Variants in AFG3L2 observed in about 807,000 individuals in gnomAD.
The protein encoded by AFG3L2 is AFG3 like matrix AAA peptidase subunit 2.
In AFG3L2, 54 loss-of-function variants were observed where a neutral mutation model predicts 94.5. The observed-to-expected ratio is 0.57, with a 90% CI of 0.46 to 0.72. The LOEUF is 0.72. AFG3L2 is among the 30% of genes least tolerant of loss of function. AFG3L2 has a pLI of 0.00. For missense variants in AFG3L2, 754 were observed against 994.9 expected (o/e 0.76, Z 3.26); for synonymous variants, 377 against 365.5 (o/e 1.03, Z -0.36).
intron 16 of AFG3L2, among the ~76,000 whole-genome samples, chr18:12,330,307 C>CA (rs1320213942): frequency 6.9e-6 from 1 of 145,134 alleles, no homozygotes; most frequent in Admixed American, 7.0e-5. Context: ...GCCTGGGCGA[C>CA]AGAGCGAGAC....
At chr18:12,357,957 A>T (rs983357192) in intron 8 of AFG3L2, among the ~76,000 whole-genome samples, 1 of 152,324 alleles carries the variant, frequency 6.6e-6, no homozygotes, top group Admixed American at 6.5e-5. Flanking sequence ...ACGGGTACTA[A>T]GTAAGTTATA....
chr18:12,346,828 C>T (rs760437779), intron 13 of AFG3L2, among the ~76,000 whole-genome samples: 1 of 145,066 alleles, frequency 6.9e-6, no homozygotes, highest in Non-Finnish European at 1.5e-5. Flanking sequence ...TGCTTGAACT[C>T]GGAAGGTGGA....
At chr18:12,366,875 A>G in intron 5 of AFG3L2, 90 bp downstream of exon 5, 3 of 1,485,788 alleles carry the variant, frequency 2.0e-6, no homozygotes, top group Non-Finnish European at 2.8e-6. Context: ...TGGACGAGCC[A>G]GGTTAACCTG....
chr18:12,344,197 C>A lies in AFG3L2; in HGVS notation c.1714G>T (p.Ala572Ser), dbSNP rs562861748. 6.2e-7 allele frequency: 1 copy of A among 1,614,176 alleles called. No individual in the cohort carries two copies. Among genetic ancestry groups the A allele is most frequent in the East Asian group, 2.2e-5 (1 of 44,880 alleles). ...ACCGCATGGCCTGCTTCGTGGTATG[C>A]CACAGTCTTCTTCTCCTCAGGCTGC... Reference protein sequence around the residue: ...VLQPEEKKTVAYHEAGHAVAG... With the variant: ...VLQPEEKKTVSYHEAGHAVAG... The change falls in exon 14 of 17, where the codon GCA becomes TCA. Residue 572 changes from alanine (A) to serine (S), a missense_variant. Physicochemically the swap from Ala to Ser is moderately conservative, Grantham distance 99. This residue lies in a region of AFG3L2 where 279 missense variants were observed against 378.6 expected (regional missense o/e 0.74). Transcript: ENST00000269143.
chr18:12,371,795 C>G lies in AFG3L2; in HGVS notation c.115-104G>C, dbSNP rs1373711837. ...GTAGATGAAAGGTCTCTCTCTTCCA[C>G]AGGTGGTTATGAAGTAACACAGAAT... On this transcript the variant is annotated intron_variant, in intron 1 of 16. Transcript: ENST00000269143. The G allele has an allele frequency of 3.2e-6, 3 of 934,868 alleles. No individual in the cohort carries two copies. The Admixed American group carries it at 6.1e-5, about 19-fold the overall frequency. 57.9% of individuals were successfully genotyped at this position (934,868 alleles called of 1,614,324 possible).
chr18:12,355,000 C>T (rs1477511579), intron 9 of AFG3L2, among the ~76,000 whole-genome samples: 1 of 152,034 alleles, frequency 6.6e-6, no homozygotes, highest in Admixed American at 6.6e-5. Context: ...GGTGCATCAC[C>T]TGAAGTGAGG....
intron 3 of AFG3L2, among the ~76,000 whole-genome samples, chr18:12,369,447 C>T (rs1908908809): frequency 2.0e-5 from 3 of 152,110 alleles, no homozygotes; most frequent in Admixed American, 1.3e-4. Flanking sequence ...GTGGACTCCT[C>T]GAGGCCAGGT....
At chr18:12,332,982 A>AATT (rs1907600152) in intron 16 of AFG3L2, among the ~76,000 whole-genome samples, 1 of 100,886 alleles carries the variant, frequency 9.9e-6, no homozygotes, top group Non-Finnish European at 2.0e-5. Flanking sequence ...ATATTATATA[A>AATT]ATATATTATA....
intron 9 of AFG3L2, among the ~76,000 whole-genome samples, chr18:12,355,825 C>T (rs906125826): frequency 3.9e-5 from 6 of 152,030 alleles, no homozygotes; most frequent in African/African-American, 1.2e-4. Flanking sequence ...CCCGCCACCA[C>T]GCATGGCTAA....
intron 6 of AFG3L2, among the ~76,000 whole-genome samples, chr18:12,360,736 G>A (rs764205353): frequency 3.3e-5 from 5 of 152,156 alleles, no homozygotes; most frequent in South Asian, 2.1e-4. Context: ...TATTGTACTC[G>A]TGTCTACTGA....
chr18:12,348,298 T>C lies in AFG3L2; in HGVS notation c.1638A>G (p.Glu546=). The change falls in exon 13 of 17, where the codon GAA becomes GAG. Residue 546 remains glutamate, a synonymous_variant. Coordinates refer to ENST00000269143, the MANE Select transcript of AFG3L2 (RefSeq NM_006796.3). ...CACCAATCACTCGTTCAATTGCCTG[T>C]TCAAAGTGTTTCTGATTTATGGAAT... The part of the protein sequence containing the change: ...LSDSINQKHF[E]QAIERVIGGL... 1.2e-6 allele frequency: 2 copies of C among 1,614,160 alleles called. No individual in the cohort carries two copies. The highest frequency in any genetic ancestry group is 1.7e-6 in the Non-Finnish European group (2 of 1,179,986).
intron 7 of AFG3L2, 148 bp downstream of exon 7, chr18:12,359,779 G>C: frequency 1.0e-6 from 1 of 1,004,720 alleles, no homozygotes; most frequent in Non-Finnish European, 1.5e-6. Context: ...GCAAAAACTA[G>C]TGAGTTACTA....
Position 12,348,275 on chromosome 18 carries a change from C to G in AFG3L2, c.1661G>C (p.Gly554Ala), listed in dbSNP as rs1908208518. 6.2e-7 allele frequency: 1 copy of G among 1,611,756 alleles called. No homozygotes were observed. Among genetic ancestry groups the G allele is most frequent in the Admixed American group, 1.7e-5 (1 of 60,010 alleles). Residue 554 changes from glycine to alanine, a missense_variant and splice_region_variant, in exon 13 of 17, where the codon GGT (glycine) becomes GCT (alanine). Physicochemically the swap from Gly to Ala is moderately conservative, Grantham distance 60. This residue lies in a region of AFG3L2 where 279 missense variants were observed against 378.6 expected (regional missense o/e 0.74). Transcript: ENST00000269143. ...HFEQAIERVI[G>A]GLEKKTQVLQ... is the part of the protein sequence containing the mutation. ...TGAGTTATGTTCAGTTTCCTTACCACCAATCACTCGTTCAATTGCCTGTTC... is the reference window on the plus strand; with the variant it reads ...TGAGTTATGTTCAGTTTCCTTACCAGCAATCACTCGTTCAATTGCCTGTTC...
chr18:12,331,862 A>ATATAT (rs1907543708), intron 16 of AFG3L2, among the ~76,000 whole-genome samples: 1 of 81,548 alleles, frequency 1.2e-5, no homozygotes, highest in African/African-American at 4.1e-5. Flanking sequence ...TATATATATA[A>ATATAT]AACAAGGGCA....
chr18:12,330,575 C>T (rs1160318423), intron 16 of AFG3L2, among the ~76,000 whole-genome samples: 1 of 152,034 alleles, frequency 6.6e-6, no homozygotes, highest in Non-Finnish European at 1.5e-5. Flanking sequence ...GTCCGAAGTT[C>T]GACACCAGCC....
chr18:12,338,576 G>A (rs1907829870), intron 15 of AFG3L2, among the ~76,000 whole-genome samples: 1 of 152,132 alleles, frequency 6.6e-6, no homozygotes, highest in Non-Finnish European at 1.5e-5. Flanking sequence ...AGGGATGCTT[G>A]GAAGGTAGGA....
intron 3 of AFG3L2, among the ~76,000 whole-genome samples, chr18:12,369,411 A>T (rs2143225566): frequency 6.6e-6 from 1 of 152,082 alleles, no homozygotes; most frequent in East Asian, 1.9e-4. Flanking sequence ...TGTCTGTCCA[A>T]CTAGATGACA....
At chr18:12,333,844 G>A (rs1016987296) in intron 16 of AFG3L2, among the ~76,000 whole-genome samples, 11 of 152,186 alleles carry the variant, frequency 7.2e-5, no homozygotes, top group Admixed American at 4.6e-4. Flanking sequence ...ACAGGCTCAG[G>A]GAGAGGGGAA....
At chr18:12,338,525 A>G (rs1294461461) in intron 15 of AFG3L2, among the ~76,000 whole-genome samples, 1 of 152,152 alleles carries the variant, frequency 6.6e-6, no homozygotes, top group Non-Finnish European at 1.5e-5. Flanking sequence ...AACTCACTGG[A>G]AAAAAGAGAA....
Sources: gnomAD v4.1 joint callset for allele counts (sites outside exome capture counted in the v4.1 genomes callset) on GRCh38, gnomAD v4.1.1 for gene constraint, gnomAD v4.1.1 regional missense constraint, MANE v1.5 for transcripts, NCBI Gene and HGNC (gene_info 2026-07-23, HGNC 2026-07-21) for gene names.